Variants in ERICH2 observed in about 807,000 individuals in gnomAD.
ERICH2 encodes glutamate rich 2, also known as glutamate-rich protein 2.
In ERICH2, 17 loss-of-function variants were observed where a neutral mutation model predicts 17.4. That is an observed-to-expected ratio of 0.98 (90% CI 0.67 to 1.47). ERICH2 has a LOEUF of 1.47. ERICH2 is among the 40% of genes most tolerant of loss of function. The probability of loss-of-function intolerance (pLI) is 0.00; values close to 1 mark genes in which losing one functional copy is unlikely to be tolerated. For missense variants in ERICH2, 186 were observed against 183.2 expected (o/e 1.01, Z -0.09); for synonymous variants, 51 against 61.1 (o/e 0.83, Z 0.77).
At chr2:170,783,498 G>A (rs1381338089), upstream of ERICH2, among the ~76,000 whole-genome samples, 3 of 152,098 alleles carry the variant, frequency 2.0e-5, no homozygotes, top group Admixed American at 1.3e-4. Context: ...GCAGTGAGCC[G>A]AGATCACATC....
intron 3 of ERICH2, among the ~76,000 whole-genome samples, chr2:170,795,023 C>T (rs1325257761): frequency 2.0e-5 from 3 of 152,168 alleles, no homozygotes; most frequent in Non-Finnish European, 4.4e-5. Flanking sequence ...GCTTTGTCAC[C>T]CAGGCTGGAG....
intron 3 of ERICH2, among the ~76,000 whole-genome samples, chr2:170,797,173 A>G (rs1434215909): frequency 6.6e-6 from 1 of 152,228 alleles, no homozygotes; most frequent in Non-Finnish European, 1.5e-5. Context: ...GATGAAGAGA[A>G]AGAAGTAACA....
At chr2:170,797,997 T>C (rs1701470257) in intron 3 of ERICH2, 44 bp from the exon 9 acceptor site, 3 of 1,362,472 alleles carry the variant, frequency 2.2e-6, no homozygotes, top group Non-Finnish European at 3.1e-6. Context: ...GCTGCAACAC[T>C]GAACGTTAAT....
In ERICH2 at chr2:170,785,658, C is replaced by T. The variant is rs189620630; in HGVS notation, c.216+825C>T. Among the ~76,000 whole-genome samples the T allele has an allele frequency of 3.3e-5, 5 of 151,978 alleles. No homozygotes were observed. In the East Asian group the frequency reaches 9.7e-4, roughly 29 times the overall value. Reference sequence around the variant, plus strand: ...TAACTGAAAAAAGAAGCAGGAGGATCAAAGAATAAGAGGAGGATTTTTAGA... The same window carrying T: ...TAACTGAAAAAAGAAGCAGGAGGATTAAAGAATAAGAGGAGGATTTTTAGA... On this transcript the variant is annotated intron_variant, in intron 2 of 4. Coordinates refer to ENST00000409885, the Ensembl canonical transcript of ERICH2.
At chr2:170,798,852 G>A (rs1182534327) in exon 5 of ERICH2, 4 of 1,550,550 alleles carry the variant, frequency 2.6e-6, no homozygotes, top group South Asian at 1.2e-5. Flanking sequence ...GCGATGAGGA[G>A]CTGAGTGACG....
upstream of ERICH2, among the ~76,000 whole-genome samples, chr2:170,781,802 C>G (rs1701036014): frequency 1.0e-5 from 1 of 96,374 alleles, no homozygotes; most frequent in Non-Finnish European, 2.7e-5. Flanking sequence ...AATTAAGCTA[C>G]TTAATGAAAA....
At chr2:170,779,673 C>T, upstream of ERICH2, 1 of 196,994 alleles carries the variant, frequency 5.1e-6, no homozygotes, top group Non-Finnish European at 9.2e-6. Context: ...CAGCACTCAG[C>T]GCTGACTGAG....
the ERICH2 span, chr2:170,777,636 T>C: frequency 8.1e-7 from 1 of 1,232,298 alleles, no homozygotes; most frequent in Non-Finnish European, 1.0e-6. Flanking sequence ...TATTTTTTTC[T>C]CTTTCAGAAA....
chr2:170,784,714 G>A, exon 2 of ERICH2: 1 of 1,546,496 alleles, frequency 6.5e-7, no homozygotes. Context: ...TCAGGATATT[G>A]ATGATAAATT....
the ERICH2 span, among the ~76,000 whole-genome samples, chr2:170,770,923 C>A: frequency 6.8e-6 from 1 of 148,026 alleles, no homozygotes; most frequent in Non-Finnish European, 1.5e-5. Flanking sequence ...CACCGCCCTA[C>A]GGCCTGGGCC....
At chr2:170,791,538 A>AAACAAAAC (rs1203243887) in intron 2 of ERICH2, among the ~76,000 whole-genome samples, 1 of 148,608 alleles carries the variant, frequency 6.7e-6, no homozygotes, top group Non-Finnish European at 1.5e-5. Context: ...AAAAAAAAAA[A>AAACAAAAC]AATTAGCCGG....
intron 2 of ERICH2, among the ~76,000 whole-genome samples, chr2:170,786,950 T>C (rs141264349): frequency 5.3e-4 from 81 of 152,376 alleles, no homozygotes; most frequent in African/African-American, 1.7e-3. Context: ...TTCTATCGTC[T>C]TTGTTAATTC....
chr2:170,788,586 C>T (rs188090043), intron 2 of ERICH2, among the ~76,000 whole-genome samples: 124 of 152,172 alleles, frequency 8.1e-4, no homozygotes, highest in Admixed American at 1.3e-3. Context: ...ATTCTCCTGC[C>T]TCAGTCTCCC....
intron 3 of ERICH2, among the ~76,000 whole-genome samples, chr2:170,793,347 C>A (rs1701337129): frequency 6.6e-6 from 1 of 152,194 alleles, no homozygotes; most frequent in Non-Finnish European, 1.5e-5. Context: ...AGATGACAAT[C>A]CCACATTTGT....
exon 5 of ERICH2, chr2:170,798,828 G>A (rs1243357135): frequency 6.4e-7 from 1 of 1,550,710 alleles, no homozygotes; most frequent in Non-Finnish European, 8.7e-7. Flanking sequence ...GCAGTGGTGA[G>A]AGTAAAGGAG....
chr2:170,775,301 G>A, the ERICH2 span, among the ~76,000 whole-genome samples: 1 of 151,980 alleles, frequency 6.6e-6, no homozygotes, highest in African/African-American at 2.4e-5. Context: ...ATGTGGTGGT[G>A]CACACCTGTG....
the ERICH2 span, among the ~76,000 whole-genome samples, chr2:170,775,396 C>T: frequency 6.6e-6 from 1 of 152,046 alleles, no homozygotes; most frequent in African/African-American, 2.4e-5. Flanking sequence ...CATACCATCA[C>T]ACTCCAGCCT....
intron 2 of ERICH2, among the ~76,000 whole-genome samples, chr2:170,787,344 T>A (rs1701181807): frequency 6.6e-6 from 1 of 152,258 alleles, no homozygotes; most frequent in Non-Finnish European, 1.5e-5. Flanking sequence ...GCTAAGGTGC[T>A]TGGAAGCAGG....
upstream of ERICH2, among the ~76,000 whole-genome samples, chr2:170,782,822 G>A (rs775728056): frequency 2.5e-4 from 38 of 152,206 alleles, no homozygotes; most frequent in Non-Finnish European, 5.3e-4. Flanking sequence ...GCTCATGCCT[G>A]TAACTCTCAG....
Sources: allele counts gnomAD v4.1 joint callset (sites outside exome capture counted in the v4.1 genomes callset), GRCh38; gene constraint gnomAD v4.1.1; transcripts MANE v1.5; gene names NCBI Gene and HGNC (gene_info 2026-07-23, HGNC 2026-07-21).